Variants in ZDHHC11 observed in about 807,000 individuals in gnomAD.
ZDHHC11 encodes the protein zDHHC palmitoyltransferase 11, also known as palmitoyltransferase ZDHHC11.
In ZDHHC11, 44 loss-of-function variants were observed where a neutral mutation model predicts 51.3. The observed-to-expected ratio is 0.86, with a 90% CI of 0.67 to 1.10. The LOEUF is 1.10. ZDHHC11 is among the 50% of genes least tolerant of loss of function. The pLI is 0.00. For missense variants in ZDHHC11, 400 were observed against 537.7 expected (o/e 0.74, Z 2.53); for synonymous variants, 163 against 222.0 (o/e 0.73, Z 2.36).
chr5:841,759 C>T (rs1458557739), intron 4 of ZDHHC11: 22 of 995,090 alleles, frequency 2.2e-5, no homozygotes, highest in South Asian at 8.7e-5. Flanking sequence ...AAAAATCAGG[C>T]GTAATGCAGA....
upstream of ZDHHC11, among the ~76,000 whole-genome samples, chr5:854,735 G>C (rs140475076): frequency 6.7e-6 from 1 of 149,288 alleles, no homozygotes; most frequent in South Asian, 2.1e-4. Flanking sequence ...GTGAGCAGCC[G>C]GGACAGACCC....
intron 12 of ZDHHC11, among the ~76,000 whole-genome samples, chr5:799,742 T>C (rs1297753796): frequency 6.6e-6 from 1 of 151,734 alleles, no homozygotes; most frequent in Non-Finnish European, 1.5e-5. Flanking sequence ...TGTAGCTTCT[T>C]AAGTTTGTCC....
intron 11 of ZDHHC11, among the ~76,000 whole-genome samples, chr5:807,085 T>C (rs1297726296): frequency 7.3e-5 from 11 of 150,506 alleles, no homozygotes; most frequent in African/African-American, 2.7e-4. Flanking sequence ...TGCCCAACCA[T>C]AGCAGAGGGG....
At position 856,589 on chromosome 5, in the gene ZDHHC11, C is replaced by T. The variant is rs185987425; in HGVS notation, c.-1+2285G>A. ...TGCACCACACACCACACAAACCACA[C>T]GCACACACCTCACGCCACACATATG... On this transcript the variant is annotated intron_variant, in intron 1 of 3. Transcript: ENST00000685990. Among the ~76,000 whole-genome samples, 63 of 151,142 alleles carry T rather than the reference C, an allele frequency of 4.2e-4. 2 individuals are homozygous for T. The highest frequency in any genetic ancestry group is 1.1e-3 in the African/African-American group (47 of 41,124).
intron 11 of ZDHHC11, among the ~76,000 whole-genome samples, chr5:811,282 C>A (rs1285225744): frequency 1.4e-5 from 2 of 138,572 alleles, no homozygotes; most frequent in African/African-American, 5.8e-5. Flanking sequence ...TCCAAAATAA[C>A]CTGAATTCAC....
rs1047865958 is a variant in ZDHHC11 at position 812,912 on chromosome 5, A to G, written c.1181+1849T>C. Among the ~76,000 whole-genome samples the G allele has an allele frequency of 2.2e-4, 32 of 148,816 alleles. 3 individuals carry two copies. The highest frequency in any genetic ancestry group is 4.0e-4 in the Non-Finnish European group (27 of 67,384). ...TGTAATCTATGCCATATTGTTGAAG[A>G]AATTAAAATTCAGGAAGGGAGGTGC... On this transcript the variant is annotated intron_variant, in intron 11 of 12. Coordinates refer to ENST00000283441, the MANE Select transcript of ZDHHC11 (RefSeq NM_024786.3).
chr5:854,472 G>A (rs1287894911), upstream of ZDHHC11, among the ~76,000 whole-genome samples: 9 of 149,800 alleles, frequency 6.0e-5, no homozygotes, highest in Non-Finnish European at 1.0e-4. Flanking sequence ...AGGACAGTGA[G>A]CAGCTGGGAC....
upstream of ZDHHC11, among the ~76,000 whole-genome samples, chr5:860,463 C>A (rs921327987): frequency 2.6e-5 from 4 of 152,220 alleles, no homozygotes; most frequent in African/African-American, 9.7e-5. The surrounding 1 kb of genome is among the most constrained non-coding windows in gnomAD (Gnocchi z 4.2). Flanking sequence ...TTGAGGCAAA[C>A]ACCCTCAAAC....
At chr5:802,870 A>AAAAAAAAAAAAAAAAAAAAAC in intron 11 of ZDHHC11, among the ~76,000 whole-genome samples, 1 of 122,658 alleles carries the variant, frequency 8.2e-6, no homozygotes. Context: ...AAAAAAAAAA[A>AAAAAAAAAAAAAAAAAAAAAC]AAAAGCTAAA....
At chr5:797,645 A>G (rs1374686512) in intron 12 of ZDHHC11, among the ~76,000 whole-genome samples, 3 of 151,430 alleles carry the variant, frequency 2.0e-5, no homozygotes, top group Admixed American at 6.6e-5. Flanking sequence ...CTGCTTTGTA[A>G]TTTAAAAAAT....
intron 10 of ZDHHC11, chr5:816,826 A>C: frequency 2.1e-6 from 1 of 477,008 alleles, no homozygotes; most frequent in Non-Finnish European, 4.1e-6. Context: ...GTTTGATGGC[A>C]GATACACCCT....
chr5:825,755 CAA>C (rs1742276494), intron 7 of ZDHHC11, among the ~76,000 whole-genome samples: 1 of 152,278 alleles, frequency 6.6e-6, no homozygotes, highest in Admixed American at 6.5e-5. Context: ...GCTGCTGTCT[CAA>C]AAGTGCCACC....
At chr5:847,094 C>CCT (rs1336020098) in intron 3 of ZDHHC11, among the ~76,000 whole-genome samples, 6 of 142,620 alleles carry the variant, frequency 4.2e-5, no homozygotes, top group African/African-American at 1.7e-4. Context: ...CACCTCTCAT[C>CCT]TGTGAGCCTC....
Position 850,685 on chromosome 5 carries a change from C to G in ZDHHC11, c.-83G>C, listed in dbSNP as rs1472443521. Reference sequence around the variant, plus strand: ...CCCACTGTCACAGAGACCAAGGGGACTGGGAATGCAGCCGCCAGGACCAGC... The same window carrying G: ...CCCACTGTCACAGAGACCAAGGGGAGTGGGAATGCAGCCGCCAGGACCAGC... On this transcript the variant is annotated 5_prime_UTR_variant, in exon 1 of 13. Coordinates refer to ENST00000283441, the MANE Select transcript of ZDHHC11 (RefSeq NM_024786.3). 1 of 1,532,478 alleles carries G rather than the reference C, an allele frequency of 6.5e-7. No individual in the cohort carries two copies. Among genetic ancestry groups the G allele is most frequent in the East Asian group, 2.3e-5 (1 of 44,230 alleles). 94.9% of individuals were successfully genotyped at this position (1,532,478 alleles called of 1,614,324 possible). A position where few individuals can be genotyped will look rare whatever the true frequency, so the allele number is the denominator to read the frequency against.
Position 843,951 on chromosome 5 carries a change from G to A in ZDHHC11, c.504-227C>T, listed in dbSNP as rs1248408039. On this transcript the variant is annotated intron_variant, in intron 3 of 12. Coordinates refer to ENST00000283441, the MANE Select transcript of ZDHHC11 (RefSeq NM_024786.3). ...TGAGGCAGGGGCGGGGGCATGCAGG[G>A]CAGGTGGGGGGTGCAGAGGCAGGGG... Among the ~76,000 whole-genome samples, 411 of 102,864 alleles carry A rather than the reference G, an allele frequency of 4.0e-3. 4 individuals carry two copies. Among genetic ancestry groups the A allele is most frequent in the Middle Eastern group, 0.012 (3 of 242 alleles). The allele number at this position is 102,864 out of a possible 152,430, so 67.5% of individuals were successfully genotyped here.
At chr5:838,026 C>T (rs1441069909) in intron 5 of ZDHHC11, among the ~76,000 whole-genome samples, 3 of 151,900 alleles carry the variant, frequency 2.0e-5, no homozygotes, top group African/African-American at 4.8e-5. Context: ...TGCTGGCTAG[C>T]GGGTCCTGGG....
At chr5:805,004 ATAATT>A (rs746102285) in intron 11 of ZDHHC11, among the ~76,000 whole-genome samples, 1 of 151,434 alleles carries the variant, frequency 6.6e-6, no homozygotes, top group East Asian at 1.9e-4. Flanking sequence ...TTTTTTCTAT[ATAATT>A]TAAAAGTCAA....
chr5:851,644 C>T (rs1747249913), upstream of ZDHHC11, among the ~76,000 whole-genome samples: 1 of 152,214 alleles, frequency 6.6e-6, no homozygotes, highest in Non-Finnish European at 1.5e-5. Flanking sequence ...CCTTTGGTGG[C>T]TCCTCCCTGG....
chr5:827,699 A>G (rs1742465917), intron 7 of ZDHHC11, among the ~76,000 whole-genome samples: 1 of 151,028 alleles, frequency 6.6e-6, no homozygotes, highest in Non-Finnish European at 1.5e-5. Context: ...CTAACTATAT[A>G]TGCACGTAAT....
Sources: gnomAD v4.1 joint callset for allele counts (sites outside exome capture counted in the v4.1 genomes callset) on GRCh38, gnomAD v4.1.1 for gene constraint, Gnocchi (gnomAD v3.1) non-coding constraint, MANE v1.5 for transcripts, NCBI Gene and HGNC (gene_info 2026-07-23, HGNC 2026-07-21) for gene names.